AGBL1: variants seen among roughly 807,000 people sequenced by gnomAD.
AGBL1 encodes the protein cytosolic carboxypeptidase 4.
In AGBL1, 130 loss-of-function variants were observed where a neutral mutation model predicts 118.9. That is an observed-to-expected ratio of 1.09 (90% CI 0.95 to 1.26). The LOEUF is 1.26. Among genes scored for constraint, AGBL1 ranks in the 50% most tolerant of loss-of-function variants. The pLI is 0.00. For missense variants in AGBL1, 1,584 were observed against 1,298.1 expected, an observed-to-expected ratio of 1.22 and a Z score of -3.38; for synonymous variants, 555 against 478.9, an observed-to-expected ratio of 1.16 and a Z score of -2.08.
intron 18 of AGBL1, among the ~76,000 whole-genome samples, chr15:86,477,963 C>G (rs1158461275): frequency 1.3e-5 from 2 of 152,086 alleles, no homozygotes; most frequent in African/African-American, 4.8e-5. Context: ...AGCATATAAA[C>G]AGAATGAAAG....
At chr15:86,812,194 T>G (rs943332008) in intron 22 of AGBL1, among the ~76,000 whole-genome samples, 1 of 152,200 alleles carries the variant, frequency 6.6e-6, no homozygotes, top group African/African-American at 2.4e-5. Context: ...CTTTACTTAG[T>G]TTCAAAAAGA....
chr15:86,286,315 C>T (rs950259095), intron 16 of AGBL1, among the ~76,000 whole-genome samples: 1 of 151,992 alleles, frequency 6.6e-6, no homozygotes, highest in Admixed American at 6.6e-5. Context: ...GTGGTGAGAA[C>T]ACTTAAAATT....
intron 18 of AGBL1, among the ~76,000 whole-genome samples, chr15:86,471,512 T>C (rs1196549815): frequency 6.6e-6 from 1 of 151,900 alleles, no homozygotes; most frequent in Non-Finnish European, 1.5e-5. Context: ...TTTTTTTTTT[T>C]TTTATAGCTT....
rs535707426 is a variant in AGBL1 at position 86,286,735 on chromosome 15, G to GTATATATATATATATATATATA, written c.2220+6966_2220+6967insTATATATATATATATATATATA. Among the ~76,000 whole-genome samples, 37 of 106,288 alleles carry GTATATATATATATATATATATA rather than the reference G, an allele frequency of 3.5e-4. 2 individuals carry two copies. The South Asian group carries it at 8.8e-3, about 25-fold the overall frequency. 69.7% of individuals were successfully genotyped at this position (106,288 alleles called of 152,430 possible). A position where few individuals can be genotyped will look rare whatever the true frequency, so the allele number is the denominator to read the frequency against. The stretch of plus-strand genomic sequence containing the variant: ...TATATGTGTGTGTGTGTTTGTGTGT[G>GTATATATATATATATATATATA]TATATATATATATAAAACTCCATCA... On this transcript the variant is annotated intron_variant, in intron 16 of 22. Coordinates refer to ENST00000614907, the MANE Select transcript of AGBL1 (RefSeq NM_001386094.1).
intron 21 of AGBL1, among the ~76,000 whole-genome samples, chr15:86,654,138 T>A (rs912070792): frequency 6.6e-6 from 1 of 152,116 alleles, no homozygotes; most frequent in Non-Finnish European, 1.5e-5. Context: ...CAGATGTCTC[T>A]ATGGGCCAAG....
intron 22 of AGBL1, among the ~76,000 whole-genome samples, chr15:86,811,881 A>G (rs1423260681): frequency 6.6e-6 from 1 of 152,224 alleles, no homozygotes; most frequent in African/African-American, 2.4e-5. Context: ...CATATCTACC[A>G]GGTACATTAA....
intron 5 of AGBL1, among the ~76,000 whole-genome samples, chr15:86,202,264 G>T (rs79305341): frequency 6.6e-6 from 1 of 152,182 alleles, no homozygotes; most frequent in East Asian, 1.9e-4. Context: ...CTACACTTCA[G>T]CCTGGGTGAC....
intron 22 of AGBL1, among the ~76,000 whole-genome samples, chr15:86,713,621 T>C (rs1340954210): frequency 6.6e-6 from 1 of 152,162 alleles, no homozygotes. Flanking sequence ...AGTGATCTAA[T>C]AGAAGACAGA....
rs192932878 is a variant in AGBL1, at chr15:86,610,941, A to T, written c.2994+56404A>T. Among the ~76,000 whole-genome samples, 1,086 of 152,280 alleles carry T rather than the reference A, an allele frequency of 7.1e-3. 13 individuals are homozygous for T. The highest frequency in any genetic ancestry group is 0.025 in the African/African-American group (1,048 of 41,552). The stretch of plus-strand genomic sequence containing the variant: ...GCTTCATTGTCACCTGGGAAATGTT[A>T]AAAGTGAAAATTCTCAGATCCACTT... On this transcript the variant is annotated intron_variant, in intron 21 of 22. Transcript: ENST00000614907.
chr15:86,980,074 G>GA (rs1240091737), intron 23 of AGBL1, among the ~76,000 whole-genome samples: 8 of 152,058 alleles, frequency 5.3e-5, no homozygotes, highest in East Asian at 3.9e-4. Context: ...TTCTTAAAAA[G>GA]AAAAAACCTT....
At chr15:86,322,624 CTATT>C (rs920779748) in intron 17 of AGBL1, among the ~76,000 whole-genome samples, 15 of 152,034 alleles carry the variant, frequency 9.9e-5, no homozygotes, top group African/African-American at 3.1e-4. Flanking sequence ...TGTAAGGTGA[CTATT>C]TATTTGGAAC....
chr15:86,177,219 A>G (rs1597497678), intron 5 of AGBL1, among the ~76,000 whole-genome samples: 1 of 152,382 alleles, frequency 6.6e-6, no homozygotes, highest in Non-Finnish European at 1.5e-5. Context: ...TAATTCCGTA[A>G]TAGTAAAGGG....
At chr15:86,980,203 A>T (rs1358344405) in intron 23 of AGBL1, among the ~76,000 whole-genome samples, 2 of 152,228 alleles carry the variant, frequency 1.3e-5, no homozygotes, top group African/African-American at 4.8e-5. Context: ...CATTGATTTT[A>T]TCCAATATTC....
At chr15:86,600,646 C>T (rs2084478566) in intron 21 of AGBL1, among the ~76,000 whole-genome samples, 2 of 152,074 alleles carry the variant, frequency 1.3e-5, no homozygotes, top group African/African-American at 4.8e-5. Flanking sequence ...GGAGAGATCC[C>T]TGTAGCCTGG....
intron 22 of AGBL1, among the ~76,000 whole-genome samples, chr15:86,827,485 GTGTGTATATATATATATAT>G (rs1567194989): frequency 0.018 from 69 of 3,872 alleles, 12 homozygotes; most frequent in Non-Finnish European, 0.028. Flanking sequence ...ATATATATAT[GTGTGTATATATATATATAT>G]ATATATATAT....
chr15:86,420,876 T>C (rs2081779346), intron 18 of AGBL1, among the ~76,000 whole-genome samples: 1 of 152,166 alleles, frequency 6.6e-6, no homozygotes, highest in Non-Finnish European at 1.5e-5. Context: ...GAAGATCAAC[T>C]TAATGAAATA....
rs780389707 is a variant in AGBL1, at chr15:86,269,967, C to A, written c.1887C>A (p.His629Gln). 1 of 1,613,796 alleles carries A rather than the reference C, an allele frequency of 6.2e-7. No homozygotes were observed. Among genetic ancestry groups the A allele is most frequent in the Non-Finnish European group, 8.5e-7 (1 of 1,179,884 alleles). The change falls in exon 14 of 23, where the codon CAC becomes CAA. Residue 629 changes from histidine to glutamine, a missense_variant. His to Gln is a conservative substitution (Grantham distance 24). Transcript: ENST00000614907. Reference sequence around the variant, plus strand: ...ACGCAGATGTGAATAGCACCCAGCACCAGCAGTGGTTCTATTTCAAAGTGA... The same window carrying A: ...ACGCAGATGTGAATAGCACCCAGCAACAGCAGTGGTTCTATTTCAAAGTGA... ...LVNADVNSTQ[H>Q]QQWFYFKVSG...
intron 5 of AGBL1, among the ~76,000 whole-genome samples, chr15:86,199,397 A>G (rs998741679): frequency 1.3e-5 from 2 of 152,240 alleles, no homozygotes; most frequent in Admixed American, 6.5e-5. Context: ...TTGCCTTAAA[A>G]GAAGATGTAA....
intron 21 of AGBL1, among the ~76,000 whole-genome samples, chr15:86,558,159 G>A (rs879883820): frequency 6.6e-6 from 1 of 152,068 alleles, no homozygotes; most frequent in African/African-American, 2.4e-5. Flanking sequence ...TGATAATTAG[G>A]CAGAAAGACT....
Sources: gnomAD v4.1 joint callset for allele counts (sites outside exome capture counted in the v4.1 genomes callset) on GRCh38, gnomAD v4.1.1 for gene constraint, MANE v1.5 for transcripts, NCBI Gene and HGNC (gene_info 2026-07-23, HGNC 2026-07-21) for gene names.